CHD2: variants seen among roughly 807,000 people sequenced by gnomAD.
The protein encoded by CHD2 is chromodomain helicase DNA binding protein 2.
CHD2 carries 28 observed loss-of-function variants against 243.9 expected under a neutral mutation model. The ratio of observed to expected loss-of-function variants is 0.11; its 90% CI spans 0.09 to 0.16. The LOEUF is 0.16. Ranked by LOEUF, CHD2 falls within the 10% of genes least tolerant of loss-of-function variation. The pLI, the probability that CHD2 is intolerant of heterozygous loss-of-function variation, is 1.00. For missense variants in CHD2, 1,386 were observed against 2,209.8 expected, an observed-to-expected ratio of 0.63 and a Z score of 7.47; for synonymous variants, 775 against 779.0, an observed-to-expected ratio of 0.99 and a Z score of 0.09.
At chr15:92,907,077 T>C (rs1229282725) in intron 2 of CHD2, among the ~76,000 whole-genome samples, 1 of 152,252 alleles carries the variant, frequency 6.6e-6, no homozygotes, top group Non-Finnish European at 1.5e-5. Flanking sequence ...CTCACATTTG[T>C]CTTATGACCC....
chr15:92,987,086 T>A (rs2141853781), intron 26 of CHD2, among the ~76,000 whole-genome samples: 2 of 152,316 alleles, frequency 1.3e-5, no homozygotes, highest in African/African-American at 4.8e-5. Context: ...TCTGTTACTC[T>A]TATATGATCC....
At chr15:92,994,279 A>G (rs1359236122) in intron 28 of CHD2, among the ~76,000 whole-genome samples, 1 of 152,240 alleles carries the variant, frequency 6.6e-6, no homozygotes. Context: ...GGATAATTGA[A>G]TAATTCCATA....
chr15:92,950,190 C>A (rs2053534295), intron 13 of CHD2, among the ~76,000 whole-genome samples: 1 of 152,150 alleles, frequency 6.6e-6, no homozygotes, highest in Non-Finnish European at 1.5e-5. Context: ...GTACTTATTC[C>A]CTTACTATAT....
Position 92,998,683 on chromosome 15 carries a change from G to A in CHD2, c.4008+62G>A, listed in dbSNP as rs2141869050. On this transcript the variant is annotated intron_variant, in intron 31 of 38. Coordinates refer to ENST00000394196, the MANE Select transcript of CHD2 (RefSeq NM_001271.4). The surrounding 1 kb of genome is among the most constrained non-coding windows in gnomAD (Gnocchi z 5.1). ...TGAGGCTCCTACCCTGCAGAATTAG[G>A]TAGGAAGAGAGAGGCCCTCTCTGAG... The A allele has an allele frequency of 1.3e-6, 2 of 1,578,802 alleles. No homozygotes were observed. Among genetic ancestry groups the A allele is most frequent in the East Asian group, 4.5e-5 (2 of 44,306 alleles).
chr15:92,997,509 T>A lies in CHD2; in HGVS notation c.3885+106T>A. On this transcript the variant is annotated intron_variant, in intron 30 of 38. Coordinates refer to ENST00000394196, the MANE Select transcript of CHD2 (RefSeq NM_001271.4). This position sits in a 1 kb window ranked among gnomAD's most constrained non-coding sequence, Gnocchi z 4.1. ...TTTCGAGGGGGCATCAAATTAGAAA[T>A]TAGTATAGTCATTCTTGGAAATACT... 1.0e-6 allele frequency: 1 copy of A among 994,574 alleles called. No homozygotes were observed. The highest frequency in any genetic ancestry group is 2.8e-5 in the East Asian group (1 of 35,602). The allele number at this position is 994,574 out of a possible 1,614,324, so 61.6% of individuals were successfully genotyped here. A position where few individuals can be genotyped will look rare whatever the true frequency, so the allele number is the denominator to read the frequency against.
intron 28 of CHD2, 45 bp downstream of exon 28, chr15:92,993,043 T>TG: frequency 6.2e-7 from 1 of 1,606,802 alleles, no homozygotes; most frequent in Non-Finnish European, 8.5e-7. Context: ...CTGGCACTCT[T>TG]GGACTGGATT....
chr15:92,909,124 A>C (rs558430730), intron 2 of CHD2, among the ~76,000 whole-genome samples: 1 of 151,802 alleles, frequency 6.6e-6, no homozygotes, highest in South Asian at 2.1e-4. Flanking sequence ...AAAAAAAAAA[A>C]GAAAAAAGAT....
intron 33 of CHD2, among the ~76,000 whole-genome samples, chr15:93,003,095 T>C (rs200753621): frequency 6.7e-6 from 1 of 149,536 alleles, no homozygotes; most frequent in African/African-American, 2.4e-5. Flanking sequence ...CTTGGCAACG[T>C]AGGGAGACCT....
Position 93,027,215 on chromosome 15 carries a change from G to A in CHD2, c.*2510G>A, listed in dbSNP as rs1408894493. 1 of 152,580 alleles carries A rather than the reference G, an allele frequency of 6.6e-6. No homozygotes were observed. The highest frequency in any genetic ancestry group is 2.4e-5 in the African/African-American group (1 of 41,452). 9.5% of individuals were successfully genotyped at this position (152,580 alleles called of 1,614,324 possible). On this transcript the variant is annotated 3_prime_UTR_variant, in exon 39 of 39. Transcript: ENST00000394196. ...ATGCCTAAATAAAAAATTTGCACAG[G>A]TAAATTCTCTCACTTGTGAATGGGA...
rs3215369 is a variant in CHD2 at position 92,971,955 on chromosome 15, C to CA, written c.2352+36dup. The CA allele has an allele frequency of 5.0e-4, 792 of 1,578,376 alleles. 3 individuals carry two copies. In the East Asian group the frequency reaches 5.7e-3, roughly 11 times the overall value. On this transcript the variant is annotated intron_variant, in intron 18 of 38. Coordinates refer to ENST00000394196, the MANE Select transcript of CHD2 (RefSeq NM_001271.4). ...AGGTAGTTCCTCATAATTACTTTCT[C>CA]AAAAAAAACGCTTAGTTTCTCTAGG...
At chr15:92,966,586 A>G (rs1394496918) in intron 16 of CHD2, among the ~76,000 whole-genome samples, 1 of 152,128 alleles carries the variant, frequency 6.6e-6, no homozygotes, top group Non-Finnish European at 1.5e-5. Flanking sequence ...GGGTGTTACT[A>G]AGGCTGATGT....
chr15:92,990,232 T>A (rs1273663249), intron 26 of CHD2, among the ~76,000 whole-genome samples: 1 of 152,210 alleles, frequency 6.6e-6, no homozygotes, highest in Admixed American at 6.5e-5. Flanking sequence ...TACCCTCCAG[T>A]GGCTGCTGTG....
chr15:92,954,017 A>T (rs543264096), intron 14 of CHD2: 1 of 157,788 alleles, frequency 6.3e-6, no homozygotes, highest in Non-Finnish European at 1.4e-5. Flanking sequence ...AAAGTAAAGG[A>T]AAACAAGCTA....
At chr15:92,988,809 A>C (rs2054078238) in intron 26 of CHD2, among the ~76,000 whole-genome samples, 1 of 149,594 alleles carries the variant, frequency 6.7e-6, no homozygotes, top group South Asian at 2.1e-4. Flanking sequence ...TTTCTATTTC[A>C]CTCTTTAAAA....
chr15:92,930,724 A>G (rs1404035699), intron 5 of CHD2, among the ~76,000 whole-genome samples: 1 of 152,148 alleles, frequency 6.6e-6, no homozygotes, highest in Non-Finnish European at 1.5e-5. Flanking sequence ...GTGCCCCGCC[A>G]CTTATCAGTC....
intron 14 of CHD2, chr15:92,953,778 G>A: frequency 1.8e-6 from 1 of 565,336 alleles, no homozygotes; most frequent in Non-Finnish European, 3.1e-6. Flanking sequence ...AAAAGCAACA[G>A]CAGTATGTGA....
At chr15:92,956,409 G>T in intron 15 of CHD2, 50 bp from the exon 16 acceptor site, 1 of 1,405,038 alleles carries the variant, frequency 7.1e-7, no homozygotes, top group Non-Finnish European at 9.9e-7. Context: ...GAAAGCACTT[G>T]TGGGTTCCCT....
chr15:93,010,813 G>A (rs1038880553), intron 35 of CHD2, among the ~76,000 whole-genome samples: 1 of 152,120 alleles, frequency 6.6e-6, no homozygotes, highest in African/African-American at 2.4e-5. Context: ...TAGACTCAGA[G>A]GGTACATGTG....
intron 5 of CHD2, among the ~76,000 whole-genome samples, chr15:92,933,033 C>T (rs926179574): frequency 3.1e-4 from 35 of 112,926 alleles, no homozygotes; most frequent in South Asian, 1.0e-3. Flanking sequence ...TGAGCCACCG[C>T]GCCCGGCCCC....
Sources: allele counts gnomAD v4.1 joint callset (sites outside exome capture counted in the v4.1 genomes callset), GRCh38; gene constraint gnomAD v4.1.1; non-coding constraint Gnocchi (gnomAD v3.1); transcripts MANE v1.5; gene names NCBI Gene and HGNC (gene_info 2026-07-23, HGNC 2026-07-21).